NEK6: variants seen among roughly 807,000 people sequenced by gnomAD.
NEK6 encodes the protein serine/threonine-protein kinase Nek6.
In NEK6, 27 loss-of-function variants were observed where a neutral mutation model predicts 43.5. That is an observed-to-expected ratio of 0.62 (90% CI 0.46 to 0.86). The LOEUF is 0.86. Among genes scored for constraint, NEK6 ranks in the 40% least tolerant of loss-of-function variants. The pLI, the probability that NEK6 is intolerant of heterozygous loss-of-function variation, is 0.00. For synonymous variants in NEK6, 167 were observed against 164.1 expected (o/e 1.02, Z -0.14); for missense variants, 318 against 414.4 (o/e 0.77, Z 2.02).
chr9:124,297,841 C>T (rs984625166), intron 1 of NEK6, among the ~76,000 whole-genome samples: 3 of 152,240 alleles, frequency 2.0e-5, no homozygotes, highest in Non-Finnish European at 2.9e-5. Context: ...CCGTGTGGCT[C>T]GTCCTTCCAC....
At position 124,343,831 on chromosome 9, in the gene NEK6, C is replaced by T. The variant is rs1364934691; in HGVS notation, c.718-3878C>T. 6.6e-6 allele frequency among the ~76,000 whole-genome samples: 1 copy of T among 152,198 alleles called. No individual in the cohort carries two copies. The highest frequency in any genetic ancestry group is 2.4e-5 in the African/African-American group (1 of 41,450). On this transcript the variant is annotated intron_variant, in intron 8 of 9. Coordinates refer to ENST00000320246, the MANE Select transcript of NEK6 (RefSeq NM_014397.6). The surrounding 1 kb of genome is among the most constrained non-coding windows in gnomAD (Gnocchi z 5.1). ...GAGAAAACCTGCCCTTCCCCAAGCCCCAGCACAGCCCGGAAGGCTCAAAAG... is the reference window on the plus strand; with the variant it reads ...GAGAAAACCTGCCCTTCCCCAAGCCTCAGCACAGCCCGGAAGGCTCAAAAG...
intron 9 of NEK6, among the ~76,000 whole-genome samples, chr9:124,349,702 A>C (rs1473739680): frequency 6.6e-6 from 1 of 152,202 alleles, no homozygotes; most frequent in East Asian, 1.9e-4. Context: ...ACTTCACCTG[A>C]ATCTGGTTTT....
chr9:124,261,372 C>T, intron 1 of NEK6: 1 of 981,926 alleles, frequency 1.0e-6, no homozygotes, highest in Non-Finnish European at 1.2e-6. Flanking sequence ...CCTTCCTCTT[C>T]TCAGGCTAGA....
chr9:124,281,122 C>T (rs1310552858), intron 1 of NEK6, among the ~76,000 whole-genome samples: 1 of 152,238 alleles, frequency 6.6e-6, no homozygotes, highest in Non-Finnish European at 1.5e-5. Context: ...CTTGTGTTTT[C>T]TTTTCTTCCT....
intron 2 of NEK6, among the ~76,000 whole-genome samples, chr9:124,304,119 G>A (rs1363341277): frequency 6.6e-6 from 1 of 152,260 alleles, no homozygotes; most frequent in Admixed American, 6.5e-5. Flanking sequence ...ATCTGGCTGG[G>A]TTTGCAGAAT....
Position 124,321,041 on chromosome 9 carries a change from G to A in NEK6, c.295-418G>A, listed in dbSNP as rs115287604. 9.4e-3 allele frequency among the ~76,000 whole-genome samples: 1,436 copies of A among 152,312 alleles called. 20 individuals are homozygous for A. Among genetic ancestry groups the A allele is most frequent in the African/African-American group, 0.032 (1,347 of 41,572 alleles). The stretch of plus-strand genomic sequence containing the variant: ...TCTGAGGAGCACCTGCAGGCTGGCC[G>A]TGTCTGGGCACAGGGACAGAGAGGT... On this transcript the variant is annotated intron_variant, in intron 4 of 9. Transcript: ENST00000320246.
At position 124,326,399 on chromosome 9, in the gene NEK6, G is replaced by A. The variant is rs879292381; in HGVS notation, c.475G>A (p.Ala159Thr). The A allele has an allele frequency of 1.8e-5, 29 of 1,610,802 alleles. No homozygotes were observed. Among genetic ancestry groups the A allele is most frequent in the African/African-American group, 4.0e-5 (3 of 74,910 alleles). The part of the protein sequence containing the change: ...VWKYFVQLCS[A>T]VEHMHSRRVM... ...GAAGTACTTTGTGCAGCTGTGCAGC[G>A]CCGTGGAGCACATGCATTCACGCCG... Residue 159 changes from alanine (A) to threonine (T), a missense_variant, in exon 6 of 10, where the codon GCC (alanine) becomes ACC (threonine). Ala to Thr is a moderately conservative substitution (Grantham distance 58, BLOSUM62 0). Transcript: ENST00000320246. The surrounding 1 kb of genome is among the most constrained non-coding windows in gnomAD (Gnocchi z 4.5).
intron 1 of NEK6, among the ~76,000 whole-genome samples, chr9:124,279,668 C>T (rs902160380): frequency 6.6e-6 from 1 of 152,214 alleles, no homozygotes; most frequent in African/African-American, 2.4e-5. Flanking sequence ...ACCCCTTTGT[C>T]TGTTGAGTGC....
intron 1 of NEK6, among the ~76,000 whole-genome samples, chr9:124,286,070 C>T (rs1026689347): frequency 4.6e-5 from 7 of 152,122 alleles, no homozygotes; most frequent in African/African-American, 1.7e-4. Context: ...GAACGGTTCC[C>T]CCCTCCCTGC....
chr9:124,323,469 G>T (rs1047483819), intron 5 of NEK6, among the ~76,000 whole-genome samples: 24 of 152,222 alleles, frequency 1.6e-4, no homozygotes, highest in Non-Finnish European at 2.2e-4. Context: ...AAGACTGGAG[G>T]CCGGGTGGAA....
At chr9:124,307,942 T>C (rs4838160) in intron 2 of NEK6, among the ~76,000 whole-genome samples, 76,450 of 152,038 alleles carry the variant, frequency 0.5, 19,520 homozygotes, top group East Asian at 0.64. Flanking sequence ...GCCGTCCCAG[T>C]CCCCGGGGAA....
At chr9:124,346,510 CG>C (rs899681941) in intron 8 of NEK6, among the ~76,000 whole-genome samples, 5 of 152,044 alleles carry the variant, frequency 3.3e-5, no homozygotes, top group African/African-American at 4.8e-5. Context: ...GTGGCCCCTC[CG>C]GGGGGGAACC....
intron 1 of NEK6, among the ~76,000 whole-genome samples, chr9:124,298,289 G>C: frequency 6.7e-6 from 1 of 149,510 alleles, no homozygotes; most frequent in Non-Finnish European, 1.5e-5. Flanking sequence ...GGGGCTTGCA[G>C]AGTCCTCCGT....
chr9:124,312,993 A>T (rs1833614955), intron 3 of NEK6, among the ~76,000 whole-genome samples: 1 of 151,916 alleles, frequency 6.6e-6, no homozygotes, highest in South Asian at 2.1e-4. Flanking sequence ...GTCTTGGGGG[A>T]GCTGAGGTTC....
intron 1 of NEK6, among the ~76,000 whole-genome samples, chr9:124,277,586 G>A (rs1322148692): frequency 2.0e-5 from 3 of 152,170 alleles, no homozygotes; most frequent in Admixed American, 6.5e-5. Context: ...AAACCAGGCC[G>A]ATGCCTGCCG....
At chr9:124,294,872 G>A (rs1434779126) in intron 1 of NEK6, among the ~76,000 whole-genome samples, 1 of 152,220 alleles carries the variant, frequency 6.6e-6, no homozygotes, top group Admixed American at 6.5e-5. Context: ...GAGGCTGAAG[G>A]TAACTGTAGG....
chr9:124,295,450 C>G (rs961287715), intron 1 of NEK6, among the ~76,000 whole-genome samples: 1 of 152,222 alleles, frequency 6.6e-6, no homozygotes, highest in South Asian at 2.1e-4. Flanking sequence ...AAGGGCCCAG[C>G]AGCCAGAGCC....
Position 124,339,634 on chromosome 9 carries a change from A to T in NEK6, c.686A>T (p.Asp229Val). 6.2e-7 allele frequency: 1 copy of T among 1,614,040 alleles called. No individual in the cohort carries two copies. Among genetic ancestry groups the T allele is most frequent in the Non-Finnish European group, 8.5e-7 (1 of 1,179,940 alleles). The change falls in exon 8 of 10, where the codon GAC becomes GTC. Residue 229 changes from aspartate to valine, a missense_variant. By Grantham distance (152) the Asp-to-Val change is radical (BLOSUM62 -3). Coordinates refer to ENST00000320246, the MANE Select transcript of NEK6 (RefSeq NM_014397.6). ...GAGAACGGCTACAACTTCAAGTCCG[A>T]CATCTGGTCCCTGGGCTGTCTGCTG... ...IHENGYNFKS[D>V]IWSLGCLLYE... is the part of the protein sequence containing the mutation.
At chr9:124,302,164 A>G (rs1833016193) in intron 2 of NEK6, 110 bp downstream of exon 2, 2 of 732,960 alleles carry the variant, frequency 2.7e-6, no homozygotes, top group South Asian at 3.8e-5. Flanking sequence ...AGCTCCCTGA[A>G]ACAGAACCTC....
Sources: gnomAD v4.1 joint callset for allele counts (sites outside exome capture counted in the v4.1 genomes callset) on GRCh38, gnomAD v4.1.1 for gene constraint, Gnocchi (gnomAD v3.1) non-coding constraint, MANE v1.5 for transcripts, NCBI Gene and HGNC (gene_info 2026-07-23, HGNC 2026-07-21) for gene names.